Variants in PDE1A observed in about 807,000 individuals in gnomAD.
The protein encoded by PDE1A is phosphodiesterase 1A, also known as dual specificity calcium/calmodulin-dependent 3',5'-cyclic nucleotide phosphodiesterase 1A.
A neutral mutation model predicts 61.7 loss-of-function variants in PDE1A; 35 were observed. That is an observed-to-expected ratio of 0.57 (90% CI 0.43 to 0.75). The LOEUF is 0.75. Ranked by LOEUF, PDE1A falls within the 30% of genes least tolerant of loss-of-function variation. The probability of loss-of-function intolerance (pLI) is 0.00; values close to 1 mark genes in which losing one functional copy is unlikely to be tolerated. For missense variants in PDE1A, 597 were observed against 630.6 expected (o/e 0.95, Z 0.57); for synonymous variants, 232 against 213.2 (o/e 1.09, Z -0.77).
At chr2:182,535,029 T>G in the PDE1A span, among the ~76,000 whole-genome samples, 110 of 150,472 alleles carry the variant, frequency 7.3e-4, no homozygotes, top group Middle Eastern at 6.8e-3. Context: ...TTACTAAAAT[T>G]TTTCTGCTGC....
intron 1 of PDE1A, among the ~76,000 whole-genome samples, chr2:182,405,313 A>G (rs1343387982): frequency 1.3e-5 from 2 of 152,236 alleles, no homozygotes; most frequent in Admixed American, 6.5e-5. Flanking sequence ...GGTCATTTAC[A>G]TAAGAAGAAC....
At chr2:182,192,935 T>A (rs1685826131) in intron 10 of PDE1A, among the ~76,000 whole-genome samples, 1 of 152,190 alleles carries the variant, frequency 6.6e-6, no homozygotes, top group Non-Finnish European at 1.5e-5. Flanking sequence ...TGTTGTTGTT[T>A]GTTTTTTGCA....
At chr2:182,610,097 A>G in the PDE1A span, among the ~76,000 whole-genome samples, 1 of 151,840 alleles carries the variant, frequency 6.6e-6, no homozygotes, top group Non-Finnish European at 1.5e-5. Context: ...CAAAAAAAAA[A>G]AAAAAGAAAG....
At position 182,293,560 on chromosome 2, in the gene PDE1A, G is replaced by C. The variant is rs181627559; in HGVS notation, c.54-29146C>G. On this transcript the variant is annotated intron_variant, in intron 1 of 13. Transcript: ENST00000351439. ...TGCAACTTCCACGTACATCATGATA[G>C]TATGAATAATACAATAGTGTCCCCT... Among the ~76,000 whole-genome samples, 95 of 152,120 alleles carry C rather than the reference G, an allele frequency of 6.2e-4. 1 individual carries two copies. The highest frequency in any genetic ancestry group is 2.2e-3 in the African/African-American group (91 of 41,512).
chr2:182,468,943 T>C (rs923869409), intron 2 of PDE1A, among the ~76,000 whole-genome samples: 1 of 151,988 alleles, frequency 6.6e-6, no homozygotes, highest in Non-Finnish European at 1.5e-5. Flanking sequence ...GTCTTAACAG[T>C]GGGCTGAAAA....
chr2:182,366,949 T>C (rs566790117), intron 1 of PDE1A, among the ~76,000 whole-genome samples: 2 of 152,152 alleles, frequency 1.3e-5, no homozygotes, highest in East Asian at 1.9e-4. Flanking sequence ...TTTATTACTA[T>C]GACAAGATAA....
chr2:182,671,780 C>A, the PDE1A span, among the ~76,000 whole-genome samples: 1 of 135,286 alleles, frequency 7.4e-6, no homozygotes, highest in Non-Finnish European at 1.6e-5. Flanking sequence ...CCACCACGCC[C>A]GGCTAATTTT....
the PDE1A span, among the ~76,000 whole-genome samples, chr2:182,643,741 A>C: frequency 6.6e-6 from 1 of 152,190 alleles, no homozygotes; most frequent in Non-Finnish European, 1.5e-5. Flanking sequence ...GTTCAGGGGG[A>C]CACTACAATA....
the PDE1A span, among the ~76,000 whole-genome samples, chr2:182,578,618 G>A: frequency 6.6e-6 from 1 of 152,152 alleles, no homozygotes; most frequent in Non-Finnish European, 1.5e-5. Context: ...TAAGGGAATG[G>A]TTGAATAAGT....
At chr2:182,555,940 C>A in the PDE1A span, among the ~76,000 whole-genome samples, 6 of 125,752 alleles carry the variant, frequency 4.8e-5, no homozygotes, top group African/African-American at 6.5e-5. Flanking sequence ...GCACTCCAGC[C>A]TGGAGACAGA....
intron 2 of PDE1A, among the ~76,000 whole-genome samples, chr2:182,433,684 T>G (rs1301194941): frequency 6.6e-6 from 1 of 151,982 alleles, no homozygotes; most frequent in African/African-American, 2.4e-5. Context: ...ATGATGAAAC[T>G]TTCTTATTCA....
chr2:182,444,158 G>A (rs947118826), intron 2 of PDE1A, among the ~76,000 whole-genome samples: 2 of 152,090 alleles, frequency 1.3e-5, no homozygotes, highest in Non-Finnish European at 2.9e-5. Context: ...ACGACTTTCA[G>A]TTCACCTAAA....
intron 1 of PDE1A, among the ~76,000 whole-genome samples, chr2:182,265,385 G>A (rs1421319725): frequency 6.6e-6 from 1 of 152,126 alleles, no homozygotes; most frequent in Non-Finnish European, 1.5e-5. Context: ...ACAGACGAAA[G>A]GCAAACATTA....
chr2:182,551,374 C>T, the PDE1A span, among the ~76,000 whole-genome samples: 664 of 152,092 alleles, frequency 4.4e-3, 2 homozygotes, highest in African/African-American at 0.015. Context: ...AAGCTAAAAT[C>T]GGAGCGAAGT....
intron 1 of PDE1A, among the ~76,000 whole-genome samples, chr2:182,368,691 T>C (rs946730072): frequency 6.6e-6 from 1 of 152,180 alleles, no homozygotes; most frequent in African/African-American, 2.4e-5. Context: ...GTTTGCAGAC[T>C]GGAAACTTGG....
At chr2:182,708,108 A>C in the PDE1A span, among the ~76,000 whole-genome samples, 1 of 152,144 alleles carries the variant, frequency 6.6e-6, no homozygotes, top group East Asian at 1.9e-4. Flanking sequence ...ATGTACCAAA[A>C]TATCACTCTG....
intron 1 of PDE1A, among the ~76,000 whole-genome samples, chr2:182,380,655 CTG>C (rs997199171): frequency 7.9e-5 from 12 of 152,014 alleles, no homozygotes; most frequent in African/African-American, 2.9e-4. Flanking sequence ...TTGTCCTTAA[CTG>C]TTTGTTTTCA....
chr2:182,449,931 G>A (rs975145254), intron 2 of PDE1A, among the ~76,000 whole-genome samples: 6 of 151,824 alleles, frequency 4.0e-5, no homozygotes, highest in African/African-American at 1.5e-4. Context: ...ATTTTTTTAA[G>A]GACTAGACTT....
At chr2:182,213,090 C>T (rs2125545107) in intron 7 of PDE1A, among the ~76,000 whole-genome samples, 1 of 150,716 alleles carries the variant, frequency 6.6e-6, no homozygotes, top group Non-Finnish European at 1.5e-5. Context: ...AGACTGCCTC[C>T]TCAAGTGGGT....
Sources: allele counts gnomAD v4.1 joint callset (sites outside exome capture counted in the v4.1 genomes callset), GRCh38; gene constraint gnomAD v4.1.1; transcripts MANE v1.5; gene names NCBI Gene and HGNC (gene_info 2026-07-23, HGNC 2026-07-21).